The following CA10 variants were observed in gnomAD, a reference collection of about 807,000 sequenced individuals.
The protein encoded by CA10 is carbonic anhydrase-related protein 10.
Under a neutral mutation model 44.2 loss-of-function variants are expected in CA10, and 14 were observed. The observed-to-expected ratio is 0.32, with a 90% CI of 0.21 to 0.50. The LOEUF (loss-of-function observed/expected upper bound fraction) is 0.50. Ranked by LOEUF, CA10 falls within the 20% of genes least tolerant of loss-of-function variation. The probability of loss-of-function intolerance (pLI) is 0.99; values close to 1 mark genes in which losing one functional copy is unlikely to be tolerated. For synonymous variants in CA10, 159 were observed against 141.6 expected, an observed-to-expected ratio of 1.12 and a Z score of -0.87; for missense variants, 350 against 409.7, an observed-to-expected ratio of 0.85 and a Z score of 1.26.
chr17:51,801,187 G>C (rs1906911018), intron 3 of CA10, among the ~76,000 whole-genome samples: 1 of 152,198 alleles, frequency 6.6e-6, no homozygotes, highest in Non-Finnish European at 1.5e-5. Flanking sequence ...CTGGTCCCCA[G>C]TGGCAGCTTC....
chr17:52,104,829 A>G (rs538912219), intron 1 of CA10, among the ~76,000 whole-genome samples: 4 of 152,326 alleles, frequency 2.6e-5, no homozygotes, highest in Non-Finnish European at 4.4e-5. Flanking sequence ...CCGTCGATTC[A>G]TCATTTGCTG....
At chr17:51,738,833 G>C (rs1222146716) in intron 4 of CA10, among the ~76,000 whole-genome samples, 2 of 152,130 alleles carry the variant, frequency 1.3e-5, no homozygotes, top group Non-Finnish European at 2.9e-5. Context: ...CTTGGGATTT[G>C]ACAGAATTCT....
At position 51,699,005 on chromosome 17, in the gene CA10, C is replaced by A. The variant is rs190580014; in HGVS notation, c.466-45269G>T. On this transcript the variant is annotated intron_variant, in intron 4 of 8. Transcript: ENST00000451037. ...AAGGCTGCAGTGAACACGAGAGTGC[C>A]AATATCTGTTCAGGATAAAAATTTT... Among the ~76,000 whole-genome samples, 539 of 152,182 alleles carry A rather than the reference C, an allele frequency of 3.5e-3. 3 individuals are homozygous for A. The highest frequency in any genetic ancestry group is 0.012 in the African/African-American group (504 of 41,502).
intron 2 of CA10, among the ~76,000 whole-genome samples, chr17:51,944,917 G>T (rs929300183): frequency 6.6e-6 from 1 of 152,126 alleles, no homozygotes; most frequent in Non-Finnish European, 1.5e-5. Context: ...GCAAGGAAAT[G>T]ATAAAGAGAC....
intron 1 of CA10, among the ~76,000 whole-genome samples, chr17:52,124,115 C>T (rs758370171): frequency 3.9e-5 from 6 of 152,194 alleles, no homozygotes; most frequent in Non-Finnish European, 8.8e-5. Flanking sequence ...TTCATTTTCA[C>T]TATGGTGCTC....
At chr17:51,843,997 T>C (rs927366337) in intron 3 of CA10, among the ~76,000 whole-genome samples, 44 of 152,198 alleles carry the variant, frequency 2.9e-4, no homozygotes, top group African/African-American at 1.0e-3. Flanking sequence ...TTTTATAAAA[T>C]AGTCTTATAA....
At chr17:51,707,380 A>G (rs1453441991) in intron 4 of CA10, among the ~76,000 whole-genome samples, 1 of 152,194 alleles carries the variant, frequency 6.6e-6, no homozygotes, top group Non-Finnish European at 1.5e-5. Flanking sequence ...TGTGACACAT[A>G]CTTTTAAAGG....
At chr17:51,714,399 G>T (rs972633870) in intron 4 of CA10, among the ~76,000 whole-genome samples, 3 of 152,176 alleles carry the variant, frequency 2.0e-5, no homozygotes, top group Non-Finnish European at 4.4e-5. Flanking sequence ...TCTTCTCACA[G>T]GGGTTTGTGA....
intron 3 of CA10, among the ~76,000 whole-genome samples, chr17:51,800,470 G>A (rs1326287183): frequency 2.0e-5 from 3 of 152,012 alleles, no homozygotes; most frequent in Non-Finnish European, 4.4e-5. Flanking sequence ...TTATACACCT[G>A]AAATGGAAGA....
At chr17:51,633,678 C>A in intron 7 of CA10, 28 bp from the exon 8 acceptor site, 1 of 1,601,794 alleles carries the variant, frequency 6.2e-7, no homozygotes, top group Non-Finnish European at 8.5e-7. Flanking sequence ...GCCGTGAGAT[C>A]CAACCATCCT....
At chr17:51,683,298 G>T (rs960779914) in intron 4 of CA10, among the ~76,000 whole-genome samples, 3 of 152,132 alleles carry the variant, frequency 2.0e-5, no homozygotes, top group African/African-American at 4.8e-5. Context: ...GGACATGACC[G>T]CTGTAACTGG....
At chr17:52,099,814 T>C (rs750097519) in intron 1 of CA10, among the ~76,000 whole-genome samples, 128 of 152,236 alleles carry the variant, frequency 8.4e-4, no homozygotes, top group Non-Finnish European at 1.2e-3. Context: ...ACTGAAGATA[T>C]GGAGTCTTGT....
In CA10 at chr17:51,733,318, C is replaced by T. The variant is rs1916785985; in HGVS notation, c.465+14315G>A. On this transcript the variant is annotated intron_variant, in intron 4 of 8. Transcript: ENST00000451037. ...ATTAAAGCCAAGGGCTGGCTGGCTC[C>T]ATTGAAAGCCACGCTTCGCCTCACT... is the stretch of plus-strand genomic sequence containing the variant. 3.3e-5 allele frequency among the ~76,000 whole-genome samples: 5 copies of T among 152,292 alleles called. No individual in the cohort carries two copies. In the South Asian group the frequency reaches 1.0e-3, roughly 32 times the overall value.
chr17:51,749,463 C>T (rs1466345811), intron 3 of CA10, among the ~76,000 whole-genome samples: 2 of 152,162 alleles, frequency 1.3e-5, no homozygotes, highest in African/African-American at 4.8e-5. Flanking sequence ...CAGGAGAGGC[C>T]GTCTAGACGG....
intron 3 of CA10, among the ~76,000 whole-genome samples, chr17:51,850,120 A>G (rs1195993577): frequency 6.6e-6 from 1 of 152,264 alleles, no homozygotes; most frequent in Non-Finnish European, 1.5e-5. Context: ...GTCACTTTAC[A>G]TGCAGTTTAA....
intron 1 of CA10, among the ~76,000 whole-genome samples, chr17:52,119,186 G>A (rs1465203627): frequency 6.9e-6 from 1 of 145,374 alleles, no homozygotes; most frequent in Admixed American, 7.0e-5. Context: ...GTTTCTCTTT[G>A]CCTGGTTTCT....
chr17:51,693,127 C>G (rs1219872439), intron 4 of CA10, among the ~76,000 whole-genome samples: 1 of 152,178 alleles, frequency 6.6e-6, no homozygotes, highest in Non-Finnish European at 1.5e-5. Flanking sequence ...CAGGGCTCAA[C>G]TGGTTCCAGC....
intron 1 of CA10, among the ~76,000 whole-genome samples, chr17:52,142,078 T>A (rs909016408): frequency 5.9e-5 from 9 of 152,214 alleles, no homozygotes; most frequent in African/African-American, 2.2e-4. Context: ...GTAAGCCATG[T>A]AGGATTCAGG....
At chr17:52,009,046 A>G (rs1985697764) in intron 2 of CA10, among the ~76,000 whole-genome samples, 2 of 151,948 alleles carry the variant, frequency 1.3e-5, no homozygotes. Context: ...TTTGCCATTT[A>G]TCTTAGTCTA....
Sources: gnomAD v4.1 joint callset for allele counts (sites outside exome capture counted in the v4.1 genomes callset) on GRCh38, gnomAD v4.1.1 for gene constraint, MANE v1.5 for transcripts, NCBI Gene and HGNC (gene_info 2026-07-23, HGNC 2026-07-21) for gene names.